ATG2B: variants seen among roughly 807,000 people sequenced by gnomAD.
ATG2B encodes the protein autophagy related 2B, also known as autophagy-related protein 2 homolog B.
A neutral mutation model predicts 241.3 loss-of-function variants in ATG2B; 121 were observed. That is an observed-to-expected ratio of 0.50 (90% CI 0.43 to 0.58). The LOEUF (loss-of-function observed/expected upper bound fraction) is 0.58. ATG2B is among the 20% of genes least tolerant of loss of function. The pLI, the probability that ATG2B is intolerant of heterozygous loss-of-function variation, is 0.00. For synonymous variants in ATG2B, 858 were observed against 876.6 expected, an observed-to-expected ratio of 0.98 and a Z score of 0.37; for missense variants, 2,306 against 2,491.6, an observed-to-expected ratio of 0.93 and a Z score of 1.59.
intron 5 of ATG2B, among the ~76,000 whole-genome samples, chr14:96,342,599 G>A (rs187288505): frequency 5.7e-4 from 87 of 151,688 alleles, no homozygotes; most frequent in Non-Finnish European, 8.7e-4. Flanking sequence ...GCATGTGCCT[G>A]TAATCCCAGC....
In ATG2B at chr14:96,289,823, A is replaced by G; in HGVS notation, c.5857-18T>C. 1 of 1,613,556 alleles carries G rather than the reference A, an allele frequency of 6.2e-7. No homozygotes were observed. The highest frequency in any genetic ancestry group is 8.5e-7 in the Non-Finnish European group (1 of 1,179,658). ...GCAGCTGCCTGGATCATTTTGTCAA[A>G]AGGAAGAAATGAATTAGAAGAAAGT... On this transcript the variant is annotated intron_variant, in intron 40 of 41. Coordinates refer to ENST00000359933, the MANE Select transcript of ATG2B (RefSeq NM_018036.7). The surrounding 1 kb of genome is among the most constrained non-coding windows in gnomAD (Gnocchi z 4.3).
rs533831183 is a variant in ATG2B at position 96,289,274 on chromosome 14, G to C, written c.6006+382C>G. 2.6e-5 allele frequency among the ~76,000 whole-genome samples: 4 copies of C among 152,314 alleles called. No individual in the cohort carries two copies. In the South Asian group the frequency reaches 6.2e-4, roughly 24 times the overall value. On this transcript the variant is annotated intron_variant, in intron 41 of 41. Transcript: ENST00000359933. The surrounding 1 kb of genome is among the most constrained non-coding windows in gnomAD (Gnocchi z 4.3). Reference sequence around the variant, plus strand: ...TCCACGTTCAGCATAGTGAAGGCATGGGAATAGGATCAGGGTGGGAGATTC... The same window carrying C: ...TCCACGTTCAGCATAGTGAAGGCATCGGAATAGGATCAGGGTGGGAGATTC...
chr14:96,291,461 T>TA (rs1886481160), intron 38 of ATG2B, 139 bp downstream of exon 38: 1 of 532,296 alleles, frequency 1.9e-6, no homozygotes, highest in Non-Finnish European at 3.4e-6. Flanking sequence ...GCCTAAATCT[T>TA]AAGAGTCCTC....
At chr14:96,323,205 G>A (rs1595311489) in intron 16 of ATG2B, among the ~76,000 whole-genome samples, 1 of 152,132 alleles carries the variant, frequency 6.6e-6, no homozygotes, top group East Asian at 1.9e-4. Context: ...ACAAAGTTAT[G>A]TTTTCATCTA....
chr14:96,304,954 C>T (rs1886896193), intron 31 of ATG2B, among the ~76,000 whole-genome samples: 1 of 152,102 alleles, frequency 6.6e-6, no homozygotes, highest in Non-Finnish European at 1.5e-5. Flanking sequence ...AACACAAGTC[C>T]TAGGAATCCC....
At chr14:96,303,568 T>C (rs1044085926) in intron 32 of ATG2B, among the ~76,000 whole-genome samples, 2 of 152,194 alleles carry the variant, frequency 1.3e-5, no homozygotes, top group Non-Finnish European at 2.9e-5. Flanking sequence ...TATTTTAGTA[T>C]AGTGTTATAA....
chr14:96,315,019 G>A, intron 23 of ATG2B, 135 bp downstream of exon 23: 1 of 665,350 alleles, frequency 1.5e-6, no homozygotes, highest in South Asian at 2.0e-5. Context: ...AACCTAAAAG[G>A]TGGTGACACC....
In ATG2B at chr14:96,284,788, T is replaced by C. The variant is rs920406595; in HGVS notation, c.*967A>G. On this transcript the variant is annotated 3_prime_UTR_variant, in exon 42 of 42. Coordinates refer to ENST00000359933, the MANE Select transcript of ATG2B (RefSeq NM_018036.7). The stretch of plus-strand genomic sequence containing the variant: ...TACTTTATTCATTCCTGATAGGTTA[T>C]CAAAATGTACACTGTTAACCAAGTA... 6.6e-6 allele frequency: 1 copy of C among 152,248 alleles called. No homozygotes were observed. The highest frequency in any genetic ancestry group is 2.4e-5 in the African/African-American group (1 of 41,474). The allele number at this position is 152,248 out of a possible 1,614,324, so 9.4% of individuals were successfully genotyped here. A position where few individuals can be genotyped will look rare whatever the true frequency, so the allele number is the denominator to read the frequency against.
chr14:96,332,247 G>GA, intron 10 of ATG2B, 58 bp downstream of exon 10: 1 of 1,309,168 alleles, frequency 7.6e-7, no homozygotes, highest in Non-Finnish European at 1.1e-6. Flanking sequence ...AGCACCAGTA[G>GA]AATGGCATTT....
At chr14:96,349,726 A>C (rs2139902500) in intron 1 of ATG2B, among the ~76,000 whole-genome samples, 1 of 152,366 alleles carries the variant, frequency 6.6e-6, no homozygotes, top group South Asian at 2.1e-4. Context: ...GAAGCAGGTT[A>C]GAGGGAAGAT....
chr14:96,314,879 T>G (rs773727732), intron 23 of ATG2B, among the ~76,000 whole-genome samples: 12 of 152,206 alleles, frequency 7.9e-5, no homozygotes, highest in Non-Finnish European at 1.5e-4. Flanking sequence ...TTTTGTATTT[T>G]TAGTAGAGAC....
intron 28 of ATG2B, among the ~76,000 whole-genome samples, chr14:96,310,025 A>T (rs1887106241): frequency 6.6e-6 from 1 of 152,206 alleles, no homozygotes; most frequent in South Asian, 2.1e-4. Flanking sequence ...GGGCACACAC[A>T]GCAGGGGAAA....
In ATG2B at chr14:96,290,267, T is replaced by C; in HGVS notation, c.5856+169A>G. The C allele has an allele frequency of 1.6e-6, 2 of 1,249,596 alleles. No homozygotes were observed. The highest frequency in any genetic ancestry group is 1.1e-6 in the Non-Finnish European group (1 of 942,168). 77.4% of individuals were successfully genotyped at this position (1,249,596 alleles called of 1,614,324 possible). ...TATTCCACTGCTTTATTCTAATTAT[T>C]TAACACTAAACATTTAAGCAATAAA... On this transcript the variant is annotated intron_variant, in intron 40 of 41. Coordinates refer to ENST00000359933, the MANE Select transcript of ATG2B (RefSeq NM_018036.7). The surrounding 1 kb of genome is among the most constrained non-coding windows in gnomAD (Gnocchi z 4.4).
chr14:96,286,075 A>G, intron 41 of ATG2B, 90 bp from the exon 42 acceptor site: 2 of 932,922 alleles, frequency 2.1e-6, no homozygotes, highest in Non-Finnish European at 3.2e-6. Flanking sequence ...ACACACTTTT[A>G]AAGCAGGTAA....
At chr14:96,359,359 CAG>C (rs1888564198) in intron 1 of ATG2B, among the ~76,000 whole-genome samples, 1 of 150,986 alleles carries the variant, frequency 6.6e-6, no homozygotes. Flanking sequence ...GTCTGGGTGA[CAG>C]AGTGAGACCC....
Position 96,287,678 on chromosome 14 carries a change from C to G in ATG2B, c.6007-1693G>C, listed in dbSNP as rs763701554. On this transcript the variant is annotated intron_variant, in intron 41 of 41. Transcript: ENST00000359933. The stretch of plus-strand genomic sequence containing the variant: ...TCAATAAATAATTCCTACTACCACC[C>G]TCGTAAGTGCCTGACTACCACCAAA... Among the ~76,000 whole-genome samples the G allele has an allele frequency of 2.0e-5, 3 of 152,194 alleles. No individual in the cohort carries two copies. In the South Asian group the frequency reaches 6.2e-4, roughly 31 times the overall value.
At chr14:96,333,314 C>G (rs1434564180) in intron 8 of ATG2B, among the ~76,000 whole-genome samples, 4 of 152,104 alleles carry the variant, frequency 2.6e-5, no homozygotes, top group African/African-American at 9.7e-5. Flanking sequence ...CCTTATTAAA[C>G]TTTAGTAGTT....
In ATG2B at chr14:96,316,565, A is replaced by C. The variant is rs755007096; in HGVS notation, c.3329T>G (p.Leu1110Arg). ...EGFDDKHYIC[L>R]HSSSFSLYHK... ...GTACAGACTGAAACTGCTAGAATGA[A>C]GGCAAATGTAGTGCTTGTCATCAAA... Residue 1110 changes from leucine (L) to arginine (R), a missense_variant, in exon 21 of 42, where the codon CTT becomes CGT. Leu to Arg is a moderately radical substitution (Grantham distance 102). Transcript: ENST00000359933. 2 of 1,613,702 alleles carry C rather than the reference A, an allele frequency of 1.2e-6. No individual in the cohort carries two copies.
chr14:96,285,465 C>A lies in ATG2B; in HGVS notation c.*290G>T, dbSNP rs1027582997. The A allele has an allele frequency of 7.8e-6, 3 of 386,598 alleles. No homozygotes were observed. The highest frequency in any genetic ancestry group is 1.4e-5 in the Non-Finnish European group (3 of 208,618). The allele number at this position is 386,598 out of a possible 1,614,324, so 23.9% of individuals were successfully genotyped here. A position where few individuals can be genotyped will look rare whatever the true frequency, so the allele number is the denominator to read the frequency against. On this transcript the variant is annotated 3_prime_UTR_variant, in exon 42 of 42. Transcript: ENST00000359933. The surrounding 1 kb of genome is among the most constrained non-coding windows in gnomAD (Gnocchi z 4.2). ...GCTTCCAATGATCTCTCGTCGGTAACAAGGAGAATTACAGTCATCTTAACA... is the reference window on the plus strand; with the variant it reads ...GCTTCCAATGATCTCTCGTCGGTAAAAAGGAGAATTACAGTCATCTTAACA...
Sources: allele counts gnomAD v4.1 joint callset (sites outside exome capture counted in the v4.1 genomes callset), GRCh38; gene constraint gnomAD v4.1.1; non-coding constraint Gnocchi (gnomAD v3.1); transcripts MANE v1.5; gene names NCBI Gene and HGNC (gene_info 2026-07-23, HGNC 2026-07-21).